RCN2: variants seen among roughly 807,000 people sequenced by gnomAD.
The protein encoded by RCN2 is reticulocalbin 2.
A neutral mutation model predicts 37.5 loss-of-function variants in RCN2; 23 were observed. The observed-to-expected ratio is 0.61, with a 90% CI of 0.44 to 0.87. The LOEUF (loss-of-function observed/expected upper bound fraction) is 0.87, where lower values mean the gene tolerates loss of function less well. Ranked by LOEUF, RCN2 falls within the 40% of genes least tolerant of loss-of-function variation. The probability of loss-of-function intolerance (pLI) is 0.00; values close to 1 mark genes in which losing one functional copy is unlikely to be tolerated. For missense variants in RCN2, 381 were observed against 390.4 expected (o/e 0.98, Z 0.20); for synonymous variants, 140 against 144.6 (o/e 0.97, Z 0.23).
Position 76,949,051 on chromosome 15 carries a change from TTTTTG to T in RCN2, c.802-14_802-10del. The T allele has an allele frequency of 6.3e-7, 1 of 1,582,762 alleles. No individual in the cohort carries two copies. Among genetic ancestry groups the T allele is most frequent in the Non-Finnish European group, 8.6e-7 (1 of 1,167,126 alleles). On this transcript the variant is annotated splice_polypyrimidine_tract_variant and intron_variant, in intron 6 of 6. Transcript: ENST00000394885. ...GAAAATACTTATTACACTTGACACT[TTTTTG>T]TTTTATTTTGAAGGCGCTTCATCTA...
In RCN2 at chr15:76,948,098, T is replaced by C. The variant is rs1444387358; in HGVS notation, c.659-312T>C. The C allele has an allele frequency of 2.5e-5, 5 of 199,232 alleles. No homozygotes were observed. In the Admixed American group the frequency reaches 2.9e-4, roughly 11 times the overall value. The allele number at this position is 199,232 out of a possible 1,614,324, so 12.3% of individuals were successfully genotyped here. A position where few individuals can be genotyped will look rare whatever the true frequency, so the allele number is the denominator to read the frequency against. ...ATGTAAGAAACTTTGTATAGAAACA[T>C]GATATACAGTAAAACATTACCCACC... On this transcript the variant is annotated intron_variant, in intron 5 of 6. Coordinates refer to ENST00000394885, the MANE Select transcript of RCN2 (RefSeq NM_002902.3).
At chr15:76,935,333 A>G (rs2075242405) in intron 2 of RCN2, among the ~76,000 whole-genome samples, 193 bp from the exon 3 acceptor site, 2 of 152,222 alleles carry the variant, frequency 1.3e-5, no homozygotes, top group Non-Finnish European at 2.9e-5. Context: ...TCAAAAAAAA[A>G]TAATTAAAAG....
chr15:76,934,816 T>C (rs2075239842), intron 2 of RCN2, among the ~76,000 whole-genome samples: 1 of 152,262 alleles, frequency 6.6e-6, no homozygotes, highest in Non-Finnish European at 1.5e-5. Context: ...AAAATATTTA[T>C]GCTTCCTGAG....
intron 3 of RCN2, among the ~76,000 whole-genome samples, chr15:76,940,109 A>AT (rs112017316): frequency 0.098 from 14,565 of 148,566 alleles, 747 homozygotes; most frequent in East Asian, 0.12. Flanking sequence ...CCTTTTGGTT[A>AT]TTTTTTTTTT....
At chr15:76,947,083 T>G (rs2075299506) in intron 4 of RCN2, among the ~76,000 whole-genome samples, 1 of 152,188 alleles carries the variant, frequency 6.6e-6, no homozygotes, top group Non-Finnish European at 1.5e-5. Flanking sequence ...GGGAGAGATG[T>G]GCGGAAAATA....
intron 3 of RCN2, 37 bp from the exon 4 acceptor site, chr15:76,943,721 G>C: frequency 9.5e-7 from 1 of 1,053,412 alleles, no homozygotes; most frequent in South Asian, 1.4e-5. Context: ...TATTTAAAAT[G>C]ATGTGGTATA....
intron 6 of RCN2, 48 bp from the exon 7 acceptor site, chr15:76,949,022 T>C (rs1488484572): frequency 6.8e-7 from 1 of 1,480,720 alleles, no homozygotes; most frequent in Admixed American, 2.1e-5. Flanking sequence ...GTGAACATCT[T>C]GCTGAAAATA....
At chr15:76,945,446 G>A (rs1180314615) in intron 4 of RCN2, among the ~76,000 whole-genome samples, 1 of 152,084 alleles carries the variant, frequency 6.6e-6, no homozygotes, top group African/African-American at 2.4e-5. Flanking sequence ...AGTATAATGA[G>A]TCCTCTCATC....
Position 76,954,014 on chromosome 15 carries a change from T to A in RCN2, c.*4792T>A, listed in dbSNP as rs1466424082. On this transcript the variant is annotated 3_prime_UTR_variant, in exon 7 of 7. Coordinates refer to ENST00000394885, the MANE Select transcript of RCN2 (RefSeq NM_002902.3). ...GCACAAGAGTTCCAGTTTCTTTACA[T>A]CCTTACCAACACTTGCTATTTTCTG... is the stretch of plus-strand genomic sequence containing the variant. The A allele has an allele frequency of 4.7e-5, 7 of 150,378 alleles. No individual in the cohort carries two copies. Among genetic ancestry groups the A allele is most frequent in the African/African-American group, 1.5e-4 (6 of 41,080 alleles). The allele number at this position is 150,378 out of a possible 1,614,324, so 9.3% of individuals were successfully genotyped here.
rs781504195 is a variant in RCN2 at position 76,931,802 on chromosome 15, C to G, written c.-40C>G. On this transcript the variant is annotated 5_prime_UTR_variant, in exon 1 of 7. Coordinates refer to ENST00000394885, the MANE Select transcript of RCN2 (RefSeq NM_002902.3). ...AGCCGGCCCGGGCCCCCGCCAGCCTCCCTCCTCGCGTCCCTCGGTGTCCTC... is the reference window on the plus strand; with the variant it reads ...AGCCGGCCCGGGCCCCCGCCAGCCTGCCTCCTCGCGTCCCTCGGTGTCCTC... 8.3e-7 allele frequency: 1 copy of G among 1,199,816 alleles called. No individual in the cohort carries two copies. The highest frequency in any genetic ancestry group is 1.0e-6 in the Non-Finnish European group (1 of 967,100). The allele number at this position is 1,199,816 out of a possible 1,614,324, so 74.3% of individuals were successfully genotyped here. A position where few individuals can be genotyped will look rare whatever the true frequency, so the allele number is the denominator to read the frequency against.
rs1255310827 is a variant in RCN2, at chr15:76,953,709, A to T, written c.*4487A>T. 1.4e-5 allele frequency: 2 copies of T among 138,582 alleles called. No individual in the cohort carries two copies. The highest frequency in any genetic ancestry group is 3.0e-5 in the Non-Finnish European group (2 of 65,620). The allele number at this position is 138,582 out of a possible 1,614,324, so 8.6% of individuals were successfully genotyped here. A position where few individuals can be genotyped will look rare whatever the true frequency, so the allele number is the denominator to read the frequency against. On this transcript the variant is annotated 3_prime_UTR_variant, in exon 7 of 7. Coordinates refer to ENST00000394885, the MANE Select transcript of RCN2 (RefSeq NM_002902.3). ...TGCAGGCTCCGCCTCCCGGGTTCACACCATTCTCCTGCCTCAGCCTCCCGA... is the reference window on the plus strand; with the variant it reads ...TGCAGGCTCCGCCTCCCGGGTTCACTCCATTCTCCTGCCTCAGCCTCCCGA...
chr15:76,947,358 G>T, intron 4 of RCN2, 63 bp from the exon 5 acceptor site: 2 of 938,704 alleles, frequency 2.1e-6, no homozygotes, highest in South Asian at 3.0e-5. Flanking sequence ...GAATTGAATC[G>T]GATGGCAGTG....
Position 76,938,673 on chromosome 15 carries a change from T to C in RCN2, c.447+2951T>C. The C allele has an allele frequency of 1.1e-5, 5 of 446,698 alleles. 1 individual carries two copies. Among genetic ancestry groups the C allele is most frequent in the South Asian group, 7.8e-5 (5 of 64,326 alleles). The allele number at this position is 446,698 out of a possible 1,614,324, so 27.7% of individuals were successfully genotyped here. Reference sequence around the variant, plus strand: ...TTAGAATCATATTGGCCGCTTGAACTCTGTAAGCCACCACTAACTCTAAGT... The same window carrying C: ...TTAGAATCATATTGGCCGCTTGAACCCTGTAAGCCACCACTAACTCTAAGT... On this transcript the variant is annotated intron_variant, in intron 3 of 6. Transcript: ENST00000394885.
In RCN2 at chr15:76,950,399, T is replaced by G. The variant is rs2075315245; in HGVS notation, c.*1177T>G. The stretch of plus-strand genomic sequence containing the variant: ...TTGTTTTTCATTCTTTTTTTTTTTT[T>G]TTTTTTTGTGACAGAGTCTTGCTCT... On this transcript the variant is annotated 3_prime_UTR_variant, in exon 7 of 7. Transcript: ENST00000394885. 1 of 148,170 alleles carries G rather than the reference T, an allele frequency of 6.7e-6. No homozygotes were observed. The highest frequency in any genetic ancestry group is 2.2e-4 in the South Asian group (1 of 4,610). 9.2% of individuals were successfully genotyped at this position (148,170 alleles called of 1,614,324 possible).
rs2075331217 is a variant in RCN2 at position 76,953,556 on chromosome 15, TATATA to T, written c.*4335_*4339del. 1 of 9,186 alleles carries T rather than the reference TATATA, an allele frequency of 1.1e-4. No homozygotes were observed. Among genetic ancestry groups the T allele is most frequent in the Non-Finnish European group, 1.8e-4 (1 of 5,458 alleles). The allele number at this position is 9,186 out of a possible 1,614,324, so 0.6% of individuals were successfully genotyped here. On this transcript the variant is annotated 3_prime_UTR_variant, in exon 7 of 7. Coordinates refer to ENST00000394885, the MANE Select transcript of RCN2 (RefSeq NM_002902.3). ...GGATTGCTGGATCATATAGTAATTC[TATATA>T]TATATATATATATATATATATATAT...
At chr15:76,944,260 C>T (rs1002019116) in intron 4 of RCN2, among the ~76,000 whole-genome samples, 1 of 151,930 alleles carries the variant, frequency 6.6e-6, no homozygotes, top group Non-Finnish European at 1.5e-5. Flanking sequence ...GGATTATAAG[C>T]GTGAGCCACC....
chr15:76,947,273 A>G (rs1161814294), intron 4 of RCN2, 148 bp from the exon 5 acceptor site: 2 of 571,278 alleles, frequency 3.5e-6, no homozygotes. Context: ...TTTTTCCTGT[A>G]TAAGTACCTT....
chr15:76,936,676 G>A (rs2075250821), intron 3 of RCN2, among the ~76,000 whole-genome samples: 1 of 152,150 alleles, frequency 6.6e-6, no homozygotes, highest in Non-Finnish European at 1.5e-5. Flanking sequence ...AAAGTATTCA[G>A]GAAGATGTGT....
intron 3 of RCN2, chr15:76,938,906 C>CCTG: frequency 2.5e-6 from 1 of 396,116 alleles, no homozygotes; most frequent in Non-Finnish European, 5.3e-6. Context: ...GTGGCTCACA[C>CCTG]CTGTAATCTC....
Sources: gnomAD v4.1 joint callset for allele counts (sites outside exome capture counted in the v4.1 genomes callset) on GRCh38, gnomAD v4.1.1 for gene constraint, MANE v1.5 for transcripts, NCBI Gene and HGNC (gene_info 2026-07-23, HGNC 2026-07-21) for gene names.